The following NEMP2 variants were observed in gnomAD, a reference collection of about 807,000 sequenced individuals.
The protein encoded by NEMP2 is nuclear envelope integral membrane protein 2.
Under a neutral mutation model 54.2 loss-of-function variants are expected in NEMP2, and 53 were observed. That is an observed-to-expected ratio of 0.98 (90% CI 0.78 to 1.23). The LOEUF (loss-of-function observed/expected upper bound fraction) is 1.23. Among genes scored for constraint, NEMP2 ranks in the 50% most tolerant of loss-of-function variants. The pLI is 0.00. For synonymous variants in NEMP2, 197 were observed against 190.3 expected, an observed-to-expected ratio of 1.04 and a Z score of -0.29; for missense variants, 455 against 511.3, an observed-to-expected ratio of 0.89 and a Z score of 1.06.
rs1229923149 is a variant in NEMP2 at position 190,504,660 on chromosome 2, T to G, written c.*4529A>C. ...TAAAGGTGTCAACAAAAGTAAACAA[T>G]TTTATAATCATTTAACAAATTATAT... On this transcript the variant is annotated 3_prime_UTR_variant, in exon 9 of 9. Coordinates refer to ENST00000409150, the MANE Select transcript of NEMP2 (RefSeq NM_001142645.2). This position sits in a 1 kb window ranked among gnomAD's most constrained non-coding sequence, Gnocchi z 5.6. 1.3e-5 allele frequency: 2 copies of G among 152,188 alleles called. No homozygotes were observed. Among genetic ancestry groups the G allele is most frequent in the Non-Finnish European group, 2.9e-5 (2 of 68,030 alleles). The allele number at this position is 152,188 out of a possible 1,614,324, so 9.4% of individuals were successfully genotyped here. A position where few individuals can be genotyped will look rare whatever the true frequency, so the allele number is the denominator to read the frequency against.
the NEMP2 span, among the ~76,000 whole-genome samples, chr2:190,606,128 C>A: frequency 6.6e-6 from 1 of 152,188 alleles, no homozygotes; most frequent in Non-Finnish European, 1.5e-5. Flanking sequence ...TAAGGCCGGA[C>A]CAAAATAGGG....
the NEMP2 span, among the ~76,000 whole-genome samples, chr2:190,599,998 G>A: frequency 1.3e-5 from 2 of 152,150 alleles, no homozygotes; most frequent in Admixed American, 6.5e-5. Context: ...CTCTCCTGCT[G>A]TACAGTGCCA....
chr2:190,646,935 T>A, the NEMP2 span: 15 of 152,208 alleles, frequency 9.9e-5, no homozygotes, highest in Admixed American at 6.5e-5. Context: ...TTTCTAGCTT[T>A]CAGAACCAAG....
the NEMP2 span, among the ~76,000 whole-genome samples, chr2:190,568,337 G>C: frequency 6.6e-6 from 1 of 152,190 alleles, no homozygotes; most frequent in Non-Finnish European, 1.5e-5. This position sits in a 1 kb window ranked among gnomAD's most constrained non-coding sequence, Gnocchi z 4.7. Flanking sequence ...AATCAATGCA[G>C]TAAGAGGAGG....
At chr2:190,549,343 T>G in the NEMP2 span, among the ~76,000 whole-genome samples, 3 of 152,244 alleles carry the variant, frequency 2.0e-5, no homozygotes, top group South Asian at 4.1e-4. Flanking sequence ...TTGCAAAATG[T>G]TGACACTCAA....
At chr2:190,608,477 A>G in the NEMP2 span, 2 of 152,244 alleles carry the variant, frequency 1.3e-5, no homozygotes, top group Non-Finnish European at 2.9e-5. This position sits in a 1 kb window ranked among gnomAD's most constrained non-coding sequence, Gnocchi z 4.9. Context: ...ATAGAGTATG[A>G]TAAGTGCTTA....
chr2:190,426,914 G>A, the NEMP2 span, among the ~76,000 whole-genome samples: 225 of 152,314 alleles, frequency 1.5e-3, 1 homozygote, highest in African/African-American at 5.1e-3. This position sits in a 1 kb window ranked among gnomAD's most constrained non-coding sequence, Gnocchi z 4.7. Context: ...CTTTATTACT[G>A]CCAGCTGGAG....
chr2:190,588,355 TTC>T, the NEMP2 span, among the ~76,000 whole-genome samples: 1 of 152,202 alleles, frequency 6.6e-6, no homozygotes, highest in Non-Finnish European at 1.5e-5. The surrounding 1 kb of genome is among the most constrained non-coding windows in gnomAD (Gnocchi z 5.0). Context: ...TTCTGTCTCT[TTC>T]TCTTTCTTCC....
the NEMP2 span, among the ~76,000 whole-genome samples, chr2:190,456,939 A>T: frequency 6.6e-6 from 1 of 152,122 alleles, no homozygotes; most frequent in African/African-American, 2.4e-5. This position sits in a 1 kb window ranked among gnomAD's most constrained non-coding sequence, Gnocchi z 5.4. Flanking sequence ...CTCTTACCCC[A>T]GTCTTCCCAA....
the NEMP2 span, among the ~76,000 whole-genome samples, chr2:190,450,632 A>C: frequency 7.3e-5 from 11 of 151,706 alleles, no homozygotes; most frequent in African/African-American, 2.2e-4. Context: ...AGCACAGACT[A>C]CAGGCATGTG....
chr2:190,612,023 A>G, the NEMP2 span, among the ~76,000 whole-genome samples: 3 of 152,138 alleles, frequency 2.0e-5, no homozygotes, highest in African/African-American at 7.2e-5. Flanking sequence ...AACATTCAGG[A>G]GGCCTAATCA....
At chr2:190,427,834 C>T in the NEMP2 span, among the ~76,000 whole-genome samples, 4 of 151,976 alleles carry the variant, frequency 2.6e-5, no homozygotes, top group South Asian at 2.1e-4. Context: ...TGGGTTCAAG[C>T]GATTCTCCTG....
At chr2:190,462,884 C>G in the NEMP2 span, among the ~76,000 whole-genome samples, 1 of 152,186 alleles carries the variant, frequency 6.6e-6, no homozygotes. The surrounding 1 kb of genome is among the most constrained non-coding windows in gnomAD (Gnocchi z 5.7). Context: ...GGCCTTGTCT[C>G]CTCTCCTCTC....
At chr2:190,583,231 C>CT in the NEMP2 span, among the ~76,000 whole-genome samples, 1,536 of 141,738 alleles carry the variant, frequency 0.011, 19 homozygotes, top group African/African-American at 0.031. Context: ...AGTCATAGGT[C>CT]TTTTTTTTTT....
the NEMP2 span, among the ~76,000 whole-genome samples, chr2:190,426,805 G>C: frequency 6.6e-6 from 1 of 151,362 alleles, no homozygotes; most frequent in East Asian, 1.9e-4. This position sits in a 1 kb window ranked among gnomAD's most constrained non-coding sequence, Gnocchi z 4.7. Context: ...AAAGCAAGAT[G>C]TTTTGGGTAT....
the NEMP2 span, among the ~76,000 whole-genome samples, chr2:190,492,669 C>T: frequency 2.0e-5 from 3 of 152,224 alleles, no homozygotes; most frequent in East Asian, 1.9e-4. This position sits in a 1 kb window ranked among gnomAD's most constrained non-coding sequence, Gnocchi z 5.2. Flanking sequence ...AAAACAATTA[C>T]CAGCCAAGAA....
At chr2:190,615,034 A>G in the NEMP2 span, among the ~76,000 whole-genome samples, 1 of 152,238 alleles carries the variant, frequency 6.6e-6, no homozygotes, top group African/African-American at 2.4e-5. This position sits in a 1 kb window ranked among gnomAD's most constrained non-coding sequence, Gnocchi z 4.7. Flanking sequence ...CTCTCAACAC[A>G]CAGGACATTT....
the NEMP2 span, among the ~76,000 whole-genome samples, chr2:190,459,572 T>C: frequency 1.3e-5 from 2 of 152,204 alleles, no homozygotes; most frequent in African/African-American, 4.8e-5. The surrounding 1 kb of genome is among the most constrained non-coding windows in gnomAD (Gnocchi z 5.3). Context: ...GTTCCATTAA[T>C]CAAGGTTCTC....
the NEMP2 span, among the ~76,000 whole-genome samples, chr2:190,447,098 A>AT: frequency 0.23 from 35,010 of 152,094 alleles, 4,934 homozygotes; most frequent in South Asian, 0.33. The surrounding 1 kb of genome is among the most constrained non-coding windows in gnomAD (Gnocchi z 4.5). Context: ...GTAAAAAAAA[A>AT]AACTTGAAAG....
Sources: gnomAD v4.1 joint callset for allele counts (sites outside exome capture counted in the v4.1 genomes callset) on GRCh38, gnomAD v4.1.1 for gene constraint, Gnocchi (gnomAD v3.1) non-coding constraint, MANE v1.5 for transcripts, NCBI Gene and HGNC (gene_info 2026-07-23, HGNC 2026-07-21) for gene names.